The following HDGFL3 variants were observed in gnomAD, a reference collection of about 807,000 sequenced individuals.
The protein encoded by HDGFL3 is HDGF like 3.
Under a neutral mutation model 27.6 loss-of-function variants are expected in HDGFL3, and 6 were observed. The observed-to-expected ratio is 0.22, with a 90% CI of 0.12 to 0.43. HDGFL3 has a LOEUF of 0.43. Among genes scored for constraint, HDGFL3 ranks in the 20% least tolerant of loss-of-function variants. The probability of loss-of-function intolerance (pLI) is 1.00; values close to 1 mark genes in which losing one functional copy is unlikely to be tolerated. For synonymous variants in HDGFL3, 88 were observed against 88.9 expected (o/e 0.99, Z 0.05); for missense variants, 207 against 250.1 (o/e 0.83, Z 1.16).
intron 1 of HDGFL3, among the ~76,000 whole-genome samples, chr15:83,190,982 T>C (rs1358255024): frequency 6.6e-6 from 1 of 152,228 alleles, no homozygotes; most frequent in Non-Finnish European, 1.5e-5. Flanking sequence ...ATATGGATAT[T>C]TAACCTATAT....
chr15:83,145,951 C>T (rs1340122143), intron 5 of HDGFL3, among the ~76,000 whole-genome samples: 1 of 118,808 alleles, frequency 8.4e-6, no homozygotes, highest in Non-Finnish European at 1.6e-5. Context: ...CACTCTGTCG[C>T]CCAGGTTGGA....
At chr15:83,124,706 G>A, downstream of HDGFL3, 3 of 1,614,116 alleles carry the variant, frequency 1.9e-6, no homozygotes, top group Non-Finnish European at 1.7e-6. Context: ...GACCTGCTGA[G>A]AAGACCATTT....
chr15:83,189,004 T>G (rs183015879), intron 1 of HDGFL3, among the ~76,000 whole-genome samples: 5 of 152,226 alleles, frequency 3.3e-5, no homozygotes, highest in Admixed American at 3.3e-4. Flanking sequence ...CATTATTGAT[T>G]TATTCCTCCC....
intron 1 of HDGFL3, among the ~76,000 whole-genome samples, chr15:83,174,002 G>C (rs781725235): frequency 2.0e-5 from 3 of 152,098 alleles, no homozygotes; most frequent in Non-Finnish European, 2.9e-5. Flanking sequence ...AAGATGCTCT[G>C]GTGTACTAAG....
At chr15:83,198,318 T>G (rs1349696025) in intron 1 of HDGFL3, among the ~76,000 whole-genome samples, 1 of 152,116 alleles carries the variant, frequency 6.6e-6, no homozygotes, top group African/African-American at 2.4e-5. Flanking sequence ...AAATCCAACT[T>G]CTGTTCTATA....
Position 83,157,929 on chromosome 15 carries a change from G to C in HDGFL3, c.274C>G (p.Pro92Ala), listed in dbSNP as rs766698301. The change falls in exon 3 of 6, where the codon CCA (proline) becomes GCA (alanine). Residue 92 changes from proline (P) to alanine (A), a missense_variant. Coordinates refer to ENST00000299633, the MANE Select transcript of HDGFL3 (RefSeq NM_016073.4). Reference protein sequence around the residue: ...NEGLWEIENNPGVKFTGYQAI... With the variant: ...NEGLWEIENNAGVKFTGYQAI... ...TGGTAGCCAGTAAACTTTACTCCTG[G>C]GTTATTTTCTATTTCCCACAATCCT... The C allele has an allele frequency of 6.2e-7, 1 of 1,612,086 alleles. No individual in the cohort carries two copies. The highest frequency in any genetic ancestry group is 8.5e-7 in the Non-Finnish European group (1 of 1,179,220).
chr15:83,185,823 T>C (rs1258926078), intron 1 of HDGFL3: 1 of 152,240 alleles, frequency 6.6e-6, no homozygotes, highest in Non-Finnish European at 1.5e-5. Context: ...TTACTTATAA[T>C]GAATGGAACA....
intron 1 of HDGFL3, among the ~76,000 whole-genome samples, chr15:83,205,928 T>C (rs1228134947): frequency 6.6e-6 from 1 of 152,266 alleles, no homozygotes; most frequent in Non-Finnish European, 1.5e-5. Context: ...TTCAGTCTAC[T>C]GGAACCTGAA....
chr15:83,155,389 G>C (rs143031336), intron 4 of HDGFL3, among the ~76,000 whole-genome samples: 3 of 152,264 alleles, frequency 2.0e-5, no homozygotes, highest in African/African-American at 7.2e-5. Context: ...AAATGCCTAG[G>C]CAACATTAGG....
chr15:83,180,565 A>C (rs774812864), intron 1 of HDGFL3, among the ~76,000 whole-genome samples: 3 of 152,098 alleles, frequency 2.0e-5, no homozygotes, highest in Non-Finnish European at 2.9e-5. Flanking sequence ...AGTATGAAAA[A>C]GGAAATGCAT....
chr15:83,139,129 T>C lies in HDGFL3; in HGVS notation c.*141A>G. Reference sequence around the variant, plus strand: ...CCCCGAAACACAACAGAGAGGAATATGAATAATGTACATACAAACTGGGGT... The same window carrying C: ...CCCCGAAACACAACAGAGAGGAATACGAATAATGTACATACAAACTGGGGT... On this transcript the variant is annotated 3_prime_UTR_variant, in exon 6 of 6. Transcript: ENST00000299633. The C allele has an allele frequency of 4.3e-6, 2 of 470,516 alleles. No individual in the cohort carries two copies. Among genetic ancestry groups the C allele is most frequent in the Non-Finnish European group, 7.5e-6 (2 of 265,782 alleles). The allele number at this position is 470,516 out of a possible 1,614,324, so 29.1% of individuals were successfully genotyped here.
rs150353684 is a variant in HDGFL3, at chr15:83,139,358, T to C, written c.607-83A>G. 3 of 792,904 alleles carry C rather than the reference T, an allele frequency of 3.8e-6. No individual in the cohort carries two copies. The East Asian group carries it at 8.8e-5, about 23-fold the overall frequency. 49.1% of individuals were successfully genotyped at this position (792,904 alleles called of 1,614,324 possible). Reference sequence around the variant, plus strand: ...ATGAGAGCTATCCACACCTAGATAGTACATAATTGGGTTTTCTGAAATTTT... The same window carrying C: ...ATGAGAGCTATCCACACCTAGATAGCACATAATTGGGTTTTCTGAAATTTT... On this transcript the variant is annotated intron_variant, in intron 5 of 5. Coordinates refer to ENST00000299633, the MANE Select transcript of HDGFL3 (RefSeq NM_016073.4).
intron 1 of HDGFL3, among the ~76,000 whole-genome samples, chr15:83,177,084 A>AT (rs1407356288): frequency 3.9e-5 from 6 of 152,004 alleles, no homozygotes; most frequent in Non-Finnish European, 8.8e-5. Context: ...TGCCTGGCTA[A>AT]TTTTTTGTAT....
intron 4 of HDGFL3, among the ~76,000 whole-genome samples, chr15:83,151,956 G>A (rs1465315171): frequency 1.3e-5 from 2 of 152,002 alleles, no homozygotes; most frequent in Non-Finnish European, 2.9e-5. Flanking sequence ...CTTTTTCCTC[G>A]TCATCTTGCA....
rs2036959547 is a variant in HDGFL3 at position 83,151,212 on chromosome 15, T to C, written c.606+3A>G. On this transcript the variant is annotated splice_donor_region_variant and intron_variant, in intron 5 of 5. Coordinates refer to ENST00000299633, the MANE Select transcript of HDGFL3 (RefSeq NM_016073.4). ...GTAAGAGAAATTATAAGCACATCCT[T>C]ACCCCTTCACTGGTTTTCTGCAAGT... 2 of 1,611,666 alleles carry C rather than the reference T, an allele frequency of 1.2e-6. No individual in the cohort carries two copies. Among genetic ancestry groups the C allele is most frequent in the Non-Finnish European group, 1.7e-6 (2 of 1,179,586 alleles).
chr15:83,188,910 C>T (rs2037477770), intron 1 of HDGFL3, among the ~76,000 whole-genome samples: 1 of 152,132 alleles, frequency 6.6e-6, no homozygotes, highest in Non-Finnish European at 1.5e-5. Context: ...CATCTTGTGG[C>T]CTAATCTACT....
Position 83,139,282 on chromosome 15 carries a change from A to T in HDGFL3, c.607-7T>A. The T allele has an allele frequency of 7.5e-7, 1 of 1,333,004 alleles. No homozygotes were observed. Among genetic ancestry groups the T allele is most frequent in the Non-Finnish European group, 1.0e-6 (1 of 996,102 alleles). 82.6% of individuals were successfully genotyped at this position (1,333,004 alleles called of 1,614,324 possible). A position where few individuals can be genotyped will look rare whatever the true frequency, so the allele number is the denominator to read the frequency against. ...TTCATTATGGTAGTTAGGTCTGTAA[A>T]AAAAAAAAAAAGAAAGAAAACAAGC... On this transcript the variant is annotated splice_region_variant and splice_polypyrimidine_tract_variant and intron_variant, in intron 5 of 5. Coordinates refer to ENST00000299633, the MANE Select transcript of HDGFL3 (RefSeq NM_016073.4).
chr15:83,191,683 T>C (rs1412906816), intron 1 of HDGFL3, among the ~76,000 whole-genome samples: 1 of 152,176 alleles, frequency 6.6e-6, no homozygotes, highest in South Asian at 2.1e-4. Context: ...TTTCTTTTAT[T>C]ATACTCTGGA....
chr15:83,186,428 A>G (rs1314737318), intron 1 of HDGFL3, among the ~76,000 whole-genome samples: 4 of 152,226 alleles, frequency 2.6e-5, no homozygotes, highest in Admixed American at 2.0e-4. Context: ...TCTAAGTCTC[A>G]TTTAGTTTAT....
Sources: allele counts gnomAD v4.1 joint callset (sites outside exome capture counted in the v4.1 genomes callset), GRCh38; gene constraint gnomAD v4.1.1; transcripts MANE v1.5; gene names NCBI Gene and HGNC (gene_info 2026-07-23, HGNC 2026-07-21).